The following TRAPPC12 variants were observed in gnomAD, a reference collection of about 807,000 sequenced individuals.
The protein encoded by TRAPPC12 is TPR repeat protein 15.
TRAPPC12 carries 61 observed loss-of-function variants against 69.2 expected under a neutral mutation model. The ratio of observed to expected loss-of-function variants is 0.88; its 90% CI spans 0.72 to 1.09. TRAPPC12 has a LOEUF of 1.09. TRAPPC12 is among the 50% of genes least tolerant of loss of function. TRAPPC12 has a pLI of 0.00. For synonymous variants in TRAPPC12, 469 were observed against 438.9 expected (o/e 1.07, Z -0.86); for missense variants, 1,101 against 1,016.4 (o/e 1.08, Z -1.13).
chr2:3,417,717 C>T (rs13025799), intron 3 of TRAPPC12, among the ~76,000 whole-genome samples: 41,496 of 152,012 alleles, frequency 0.27, 5,917 homozygotes, highest in East Asian at 0.41. Context: ...CTTCTTTCCA[C>T]GAGAATTAAA....
At chr2:3,408,126 G>T (rs1373098026) in intron 3 of TRAPPC12, among the ~76,000 whole-genome samples, 1 of 152,162 alleles carries the variant, frequency 6.6e-6, no homozygotes, top group Non-Finnish European at 1.5e-5. Flanking sequence ...CTCTGCCGAG[G>T]CTGGTAAAAA....
intron 2 of TRAPPC12, 105 bp from the exon 3 acceptor site, chr2:3,401,671 AC>A: frequency 1.5e-6 from 1 of 647,922 alleles, no homozygotes; most frequent in Non-Finnish European, 2.5e-6. Flanking sequence ...TTTTACCTCC[AC>A]AAGCCAGTGG....
At chr2:3,467,742 C>T (rs1665881754) in intron 9 of TRAPPC12, 1 of 152,330 alleles carries the variant, frequency 6.6e-6, no homozygotes, top group South Asian at 2.1e-4. Flanking sequence ...TGCCCGAGCA[C>T]ACAGCAGACC....
chr2:3,457,550 T>A, intron 6 of TRAPPC12, 71 bp from the exon 7 acceptor site: 1 of 1,262,276 alleles, frequency 7.9e-7, no homozygotes. Flanking sequence ...GTACTGAGAT[T>A]ATATTATAAC....
intron 5 of TRAPPC12, among the ~76,000 whole-genome samples, chr2:3,437,049 T>A (rs1335842599): frequency 5.9e-5 from 1 of 17,036 alleles, no homozygotes; most frequent in African/African-American, 3.2e-4. Context: ...CCATCACCCC[T>A]GAATTAATCC....
At chr2:3,432,647 G>C (rs567654725) in intron 5 of TRAPPC12, among the ~76,000 whole-genome samples, 6 of 152,304 alleles carry the variant, frequency 3.9e-5, no homozygotes, top group African/African-American at 1.4e-4. Flanking sequence ...ACATGTGATC[G>C]CTGCTTTATT....
intron 7 of TRAPPC12, chr2:3,459,953 G>A (rs983996719): frequency 1.5e-5 from 7 of 471,170 alleles, no homozygotes; most frequent in Non-Finnish European, 2.3e-5. Context: ...TTTTCTCAGG[G>A]TTCTGGCTTT....
intron 4 of TRAPPC12, among the ~76,000 whole-genome samples, chr2:3,423,322 TTGTGTG>T (rs34767789): frequency 8.3e-4 from 124 of 149,170 alleles, no homozygotes; most frequent in East Asian, 8.1e-3. Flanking sequence ...TCGCATGCCT[TTGTGTG>T]TGTGTGTGTG....
At chr2:3,421,594 C>G in intron 3 of TRAPPC12, 1 of 634,612 alleles carries the variant, frequency 1.6e-6, no homozygotes, top group Non-Finnish European at 3.0e-6. Flanking sequence ...AATAAAAAGC[C>G]TCTTCCCGAT....
intron 3 of TRAPPC12, among the ~76,000 whole-genome samples, chr2:3,408,758 T>A (rs940897588): frequency 6.6e-6 from 1 of 152,244 alleles, no homozygotes; most frequent in African/African-American, 2.4e-5. Context: ...CATTCAAGAA[T>A]GTTTGCTGCT....
At chr2:3,469,181 G>A (rs534503996) in intron 9 of TRAPPC12, among the ~76,000 whole-genome samples, 3 of 152,298 alleles carry the variant, frequency 2.0e-5, no homozygotes, top group Admixed American at 2.0e-4. Flanking sequence ...AGCTCTTGCA[G>A]TGTTCTTCTC....
intron 5 of TRAPPC12, among the ~76,000 whole-genome samples, chr2:3,428,791 A>G (rs747795612): frequency 1.8e-4 from 28 of 151,980 alleles, no homozygotes; most frequent in Non-Finnish European, 3.2e-4. Flanking sequence ...CCTGGGGCCG[A>G]CCCAGCCCCG....
At chr2:3,431,982 C>G (rs1485207587) in intron 5 of TRAPPC12, among the ~76,000 whole-genome samples, 1 of 152,198 alleles carries the variant, frequency 6.6e-6, no homozygotes, top group African/African-American at 2.4e-5. Flanking sequence ...AAGAAACATT[C>G]ACAATGGCAG....
At chr2:3,473,541 G>A (rs558355100) in intron 9 of TRAPPC12, among the ~76,000 whole-genome samples, 4 of 152,314 alleles carry the variant, frequency 2.6e-5, no homozygotes, top group South Asian at 4.1e-4. Flanking sequence ...GTGCAGAGGC[G>A]CAAATGCAGC....
chr2:3,474,018 T>C (rs908928802), intron 9 of TRAPPC12, among the ~76,000 whole-genome samples: 4 of 152,150 alleles, frequency 2.6e-5, no homozygotes, highest in Non-Finnish European at 5.9e-5. Context: ...TGCAGGACAC[T>C]CCGCCTTGAG....
chr2:3,466,104 G>A (rs1665797477), intron 9 of TRAPPC12: 1 of 386,560 alleles, frequency 2.6e-6, no homozygotes, highest in Admixed American at 3.2e-5. Context: ...AGACTGAACA[G>A]TGGTCTCAGT....
intron 6 of TRAPPC12, among the ~76,000 whole-genome samples, chr2:3,450,766 AAG>A (rs1429510819): frequency 6.6e-6 from 1 of 152,090 alleles, no homozygotes; most frequent in Non-Finnish European, 1.5e-5. Context: ...CTCCACTCAA[AAG>A]GGTCCACTTA....
chr2:3,383,871 G>GTTTTTTTTTTTTTTTTTTTTTTTTTT (rs34956958), intron 1 of TRAPPC12, among the ~76,000 whole-genome samples: 6 of 85,596 alleles, frequency 7.0e-5, no homozygotes, highest in Admixed American at 3.0e-4. Flanking sequence ...GTTCAGTCTT[G>GTTTTTTTTTTTTTTTTTTTTTTTTTT]TTTTTTTTTT....
chr2:3,430,608 C>T (rs918763151), intron 5 of TRAPPC12, among the ~76,000 whole-genome samples: 1 of 152,232 alleles, frequency 6.6e-6, no homozygotes, highest in African/African-American at 2.4e-5. Context: ...ATATTAATAT[C>T]TTCTCCCATT....
Sources: allele counts gnomAD v4.1 joint callset (sites outside exome capture counted in the v4.1 genomes callset), GRCh38; gene constraint gnomAD v4.1.1; transcripts MANE v1.5; gene names NCBI Gene and HGNC (gene_info 2026-07-23, HGNC 2026-07-21).